The following CNOT11 variants were observed in gnomAD, a reference collection of about 807,000 sequenced individuals.
CNOT11 encodes the protein UPF0760 protein C2orf29.
Under a neutral mutation model 44.6 loss-of-function variants are expected in CNOT11, and 18 were observed. That is an observed-to-expected ratio of 0.40 (90% CI 0.28 to 0.60). The LOEUF is 0.60. Among genes scored for constraint, CNOT11 ranks in the 20% least tolerant of loss-of-function variants. The pLI, the probability that CNOT11 is intolerant of heterozygous loss-of-function variation, is 0.38. For synonymous variants in CNOT11, 291 were observed against 270.9 expected, an observed-to-expected ratio of 1.07 and a Z score of -0.73; for missense variants, 513 against 677.0, an observed-to-expected ratio of 0.76 and a Z score of 2.69.
At chr2:101,258,843 T>TTTGG (rs1171157705) in intron 2 of CNOT11, among the ~76,000 whole-genome samples, 2 of 151,758 alleles carry the variant, frequency 1.3e-5, no homozygotes, top group East Asian at 3.8e-4. Flanking sequence ...AAAATCCATC[T>TTTGG]TTAAACCAAA....
intron 1 of CNOT11, 61 bp from the exon 2 acceptor site, chr2:101,257,730 A>C: frequency 7.1e-7 from 1 of 1,407,176 alleles, no homozygotes; most frequent in Non-Finnish European, 9.9e-7. Flanking sequence ...TGATTTTACC[A>C]GATTCAAGTT....
chr2:101,266,634 TTCTC>T (rs754145950), intron 4 of CNOT11, 39 bp from the exon 5 acceptor site: 3 of 1,493,702 alleles, frequency 2.0e-6, no homozygotes, highest in Non-Finnish European at 2.8e-6. Context: ...TCAACACCCT[TTCTC>T]TCTCCCTCTC....
intron 4 of CNOT11, among the ~76,000 whole-genome samples, chr2:101,265,995 G>A (rs1319826596): frequency 6.6e-6 from 1 of 152,166 alleles, no homozygotes; most frequent in Non-Finnish European, 1.5e-5. Context: ...TTTGTAGTTC[G>A]CTTTGCTCGC....
rs1681660578 is a variant in CNOT11 at position 101,253,137 on chromosome 2, C to T, written c.173C>T (p.Ala58Val). Residue 58 changes from alanine (A) to valine (V), a missense_variant, in exon 1 of 7, where the codon GCG (alanine) becomes GTG (valine). By Grantham distance (64) the Ala-to-Val change is moderately conservative. Transcript: ENST00000289382. The surrounding 1 kb of genome is among the most constrained non-coding windows in gnomAD (Gnocchi z 4.3). The part of the protein sequence containing the change: ...GSGSGGPGGP[A>V]GRMSLTPKEL... Reference sequence around the variant, plus strand: ...GGGAGCGGAGGCCCGGGGGGCCCCGCGGGCAGGATGAGCTTGACCCCGAAG... The same window carrying T: ...GGGAGCGGAGGCCCGGGGGGCCCCGTGGGCAGGATGAGCTTGACCCCGAAG... The T allele has an allele frequency of 6.4e-7, 1 of 1,553,146 alleles. No homozygotes were observed. The highest frequency in any genetic ancestry group is 8.6e-7 in the Non-Finnish European group (1 of 1,156,862).
Position 101,254,347 on chromosome 2 carries a change from A to G in CNOT11, c.514+869A>G, listed in dbSNP as rs72984894. The stretch of plus-strand genomic sequence containing the variant: ...GCTATACAGTGAGTCAAGGCTAGGC[A>G]GTAGATTTTGAAGTAACACCAGGAG... On this transcript the variant is annotated intron_variant, in intron 1 of 6. Coordinates refer to ENST00000289382, the MANE Select transcript of CNOT11 (RefSeq NM_017546.5). Among the ~76,000 whole-genome samples, 326 of 152,248 alleles carry G rather than the reference A, an allele frequency of 2.1e-3. 2 individuals are homozygous for G. Among genetic ancestry groups the G allele is most frequent in the African/African-American group, 7.3e-3 (302 of 41,560 alleles).
At chr2:101,266,573 T>A in intron 4 of CNOT11, 104 bp from the exon 5 acceptor site, 2 of 832,750 alleles carry the variant, frequency 2.4e-6, no homozygotes, top group Admixed American at 2.1e-5. Flanking sequence ...GATAGTTTTG[T>A]AGCTTTTTGT....
chr2:101,253,559 A>G lies in CNOT11; in HGVS notation c.514+81A>G. 1 of 1,218,340 alleles carries G rather than the reference A, an allele frequency of 8.2e-7. No homozygotes were observed. The highest frequency in any genetic ancestry group is 1.1e-6 in the Non-Finnish European group (1 of 924,782). The allele number at this position is 1,218,340 out of a possible 1,614,324, so 75.5% of individuals were successfully genotyped here. A position where few individuals can be genotyped will look rare whatever the true frequency, so the allele number is the denominator to read the frequency against. On this transcript the variant is annotated intron_variant, in intron 1 of 6. Coordinates refer to ENST00000289382, the MANE Select transcript of CNOT11 (RefSeq NM_017546.5). The surrounding 1 kb of genome is among the most constrained non-coding windows in gnomAD (Gnocchi z 4.3). Reference sequence around the variant, plus strand: ...ACCTGCGCTGCTGGGAACTCACCTGAAAGGGAAATTAACTATCCCTGTGAA... The same window carrying G: ...ACCTGCGCTGCTGGGAACTCACCTGGAAGGGAAATTAACTATCCCTGTGAA...
chr2:101,264,972 T>C lies in CNOT11; in HGVS notation c.960T>C (p.Asn320=), dbSNP rs775837526. 3.7e-6 allele frequency: 6 copies of C among 1,614,028 alleles called. No homozygotes were observed. In the African/African-American group the frequency reaches 6.7e-5, roughly 18 times the overall value. Reference sequence around the variant, plus strand: ...GGGATAAATCGATGTGTGTTAAGAATAGCACTGGTGTGGAGATCAAACGAA... The same window carrying C: ...GGGATAAATCGATGTGTGTTAAGAACAGCACTGGTGTGGAGATCAAACGAA... The part of the protein sequence containing the change: ...IQWDKSMCVK[N]STGVEIKRIM... The change falls in exon 4 of 7, where the codon AAT becomes AAC. Residue 320 remains asparagine, a synonymous_variant. Transcript: ENST00000289382.
At chr2:101,259,760 A>G (rs1485827640) in intron 2 of CNOT11, among the ~76,000 whole-genome samples, 7 of 152,208 alleles carry the variant, frequency 4.6e-5, no homozygotes, top group Non-Finnish European at 1.5e-5. Context: ...CAATGGGGCC[A>G]GGCACAATGG....
intron 2 of CNOT11, 53 bp downstream of exon 2, chr2:101,258,008 C>T (rs184161832): frequency 3.2e-4 from 482 of 1,506,518 alleles, no homozygotes; most frequent in Non-Finnish European, 4.2e-4. Flanking sequence ...TTAGGCCTCT[C>T]TTGTTGAGGA....
intron 3 of CNOT11, among the ~76,000 whole-genome samples, chr2:101,263,949 G>C (rs191840131): frequency 7.2e-5 from 11 of 152,344 alleles, no homozygotes; most frequent in Non-Finnish European, 2.9e-5. Flanking sequence ...CTTTATTTTT[G>C]TAAGTGGTTG....
intron 2 of CNOT11, among the ~76,000 whole-genome samples, chr2:101,260,470 G>C (rs1035956203): frequency 6.6e-5 from 10 of 152,236 alleles, no homozygotes; most frequent in Admixed American, 3.9e-4. Flanking sequence ...TAAGCTTGCT[G>C]CCTGCCGTCC....
At chr2:101,254,001 GT>G (rs1295338141) in intron 1 of CNOT11, among the ~76,000 whole-genome samples, 1 of 152,168 alleles carries the variant, frequency 6.6e-6, no homozygotes, top group Non-Finnish European at 1.5e-5. Flanking sequence ...ATGATCTCGC[GT>G]TTGGAAACAC....
chr2:101,265,102 TAAAA>T (rs1403443609), intron 4 of CNOT11, 55 bp downstream of exon 4: 2 of 1,308,172 alleles, frequency 1.5e-6, no homozygotes, highest in African/African-American at 1.5e-5. Flanking sequence ...TATTTTTAAT[TAAAA>T]AAATTTGTTT....
rs759024869 is a variant in CNOT11 at position 101,265,077 on chromosome 2, CT to C, written c.1035+39del. ...GTATTGATTGTAAGCATTTTCTTAT[CT>C]TTTTTTTTAAATTTATTTTTAATTA... On this transcript the variant is annotated intron_variant, in intron 4 of 6. Coordinates refer to ENST00000289382, the MANE Select transcript of CNOT11 (RefSeq NM_017546.5). The C allele has an allele frequency of 1.5e-3, 1,985 of 1,328,136 alleles. 21 individuals carry two copies. In the African/African-American group the frequency reaches 0.024, roughly 16 times the overall value. The allele number at this position is 1,328,136 out of a possible 1,614,324, so 82.3% of individuals were successfully genotyped here.
intron 3 of CNOT11, among the ~76,000 whole-genome samples, 176 bp downstream of exon 3, chr2:101,262,867 TA>T (rs1340280324): frequency 6.6e-6 from 1 of 152,218 alleles, no homozygotes; most frequent in Non-Finnish European, 1.5e-5. Flanking sequence ...CAGTGACAGT[TA>T]ATTTCTTCTT....
chr2:101,268,163 G>A (rs569282613), intron 5 of CNOT11, among the ~76,000 whole-genome samples: 20 of 151,892 alleles, frequency 1.3e-4, no homozygotes, highest in East Asian at 3.9e-4. Context: ...TGGCAAAACC[G>A]GCTAGCTGCT....
rs749826731 is a variant in CNOT11 at position 101,266,772 on chromosome 2, C to T, written c.1131C>T (p.Val377=). The T allele has an allele frequency of 1.4e-5, 22 of 1,613,820 alleles. No individual in the cohort carries two copies. Among genetic ancestry groups the T allele is most frequent in the East Asian group, 6.7e-5 (3 of 44,872 alleles). The change falls in exon 5 of 7, where the codon GTC becomes GTT. Residue 377 remains valine, a synonymous_variant. Coordinates refer to ENST00000289382, the MANE Select transcript of CNOT11 (RefSeq NM_017546.5). ...ACCTTGTGGAAAACAACCCTTTAGT[C>T]GCTATAGAAATGTTGCTGAAATTAA... ...LPDLVENNPL[V]AIEMLLKLMQ...
chr2:101,268,889 T>G (rs1682051399), intron 5 of CNOT11, 151 bp from the exon 6 acceptor site: 1 of 586,596 alleles, frequency 1.7e-6, no homozygotes, highest in Non-Finnish European at 3.0e-6. Flanking sequence ...GGCTCTTAGG[T>G]TAATTTGCCC....
Sources: gnomAD v4.1 joint callset for allele counts (sites outside exome capture counted in the v4.1 genomes callset) on GRCh38, gnomAD v4.1.1 for gene constraint, Gnocchi (gnomAD v3.1) non-coding constraint, MANE v1.5 for transcripts, NCBI Gene and HGNC (gene_info 2026-07-23, HGNC 2026-07-21) for gene names.